The following ERBIN variants were observed in gnomAD, a reference collection of about 807,000 sequenced individuals.
The protein encoded by ERBIN is erbb2 interacting protein, also known as densin-180-like protein.
In ERBIN, 60 loss-of-function variants were observed where a neutral mutation model predicts 158.4. The observed-to-expected ratio is 0.38, with a 90% CI of 0.31 to 0.47. The LOEUF (loss-of-function observed/expected upper bound fraction) is 0.47, where lower values mean the gene tolerates loss of function less well. Ranked by LOEUF, ERBIN falls within the 20% of genes least tolerant of loss-of-function variation. The pLI is 0.99. For synonymous variants in ERBIN, 594 were observed against 557.2 expected, an observed-to-expected ratio of 1.07 and a Z score of -0.93; for missense variants, 1,610 against 1,648.0, an observed-to-expected ratio of 0.98 and a Z score of 0.40.
chr5:65,976,940 TC>T (rs1749953829), intron 1 of ERBIN, among the ~76,000 whole-genome samples: 1 of 152,050 alleles, frequency 6.6e-6, no homozygotes, highest in African/African-American at 2.4e-5. Context: ...ACGGCAGCCA[TC>T]CGATTTCTCA....
At chr5:66,044,387 T>C in intron 17 of ERBIN, 77 bp downstream of exon 17, 1 of 1,314,016 alleles carries the variant, frequency 7.6e-7, no homozygotes, top group Non-Finnish European at 1.0e-6. Flanking sequence ...TAGTGCCCCT[T>C]TTCATGTACT....
chr5:65,939,565 C>T (rs1332213384), intron 1 of ERBIN, among the ~76,000 whole-genome samples: 1 of 152,096 alleles, frequency 6.6e-6, no homozygotes, highest in African/African-American at 2.4e-5. Flanking sequence ...TCTCCCTCTC[C>T]CTCTCTTTCC....
At chr5:65,996,223 C>G (rs1292266947) in intron 4 of ERBIN, among the ~76,000 whole-genome samples, 2 of 122,344 alleles carry the variant, frequency 1.6e-5, no homozygotes, top group African/African-American at 5.7e-5. Flanking sequence ...GAGCTTTTCT[C>G]CTATTTTTTT....
chr5:65,961,115 A>G (rs1490372405), intron 1 of ERBIN: 2 of 152,134 alleles, frequency 1.3e-5, no homozygotes, highest in African/African-American at 2.4e-5. Flanking sequence ...TAGGTCCACA[A>G]TTCCTTCTGT....
At chr5:66,074,932 CT>C in intron 22 of ERBIN, 91 bp from the exon 23 acceptor site, 1 of 1,112,586 alleles carries the variant, frequency 9.0e-7, no homozygotes. Context: ...TGTGAAAACT[CT>C]AGTGCTTTTG....
At chr5:65,970,007 G>A (rs142806821) in intron 1 of ERBIN, among the ~76,000 whole-genome samples, 2,097 of 152,130 alleles carry the variant, frequency 0.014, 26 homozygotes, top group Non-Finnish European at 0.021. Context: ...CCTGGTTTTC[G>A]TATATTGAGT....
chr5:65,940,727 G>A (rs1409100618), intron 1 of ERBIN, among the ~76,000 whole-genome samples: 1 of 147,252 alleles, frequency 6.8e-6, no homozygotes, highest in Non-Finnish European at 1.5e-5. Flanking sequence ...CAGCCGCCCC[G>A]TCCGGGAGGT....
rs760310073 is a variant in ERBIN, at chr5:66,038,467, C to G, written c.1291C>G (p.Pro431Ala). 6.2e-7 allele frequency: 1 copy of G among 1,607,202 alleles called. No individual in the cohort carries two copies. Among genetic ancestry groups the G allele is most frequent in the Admixed American group, 1.7e-5 (1 of 59,452 alleles). Residue 431 changes from proline (P) to alanine (A), a missense_variant, in exon 15 of 26, where the codon CCA becomes GCA. Around this residue, in one of 2 missense-constraint regions of ERBIN, gnomAD observed 596 missense variants for 711.9 expected, o/e 0.84. Transcript: ENST00000284037. Reference sequence around the variant, plus strand: ...TACCAACTACATGTTCCCTCAACAGCCAAGGACTGAGGATGGTAGGAATTT... The same window carrying G: ...TACCAACTACATGTTCCCTCAACAGGCAAGGACTGAGGATGGTAGGAATTT... ...VLTNYMFPQQ[P>A]RTEDVMFISD...
intron 21 of ERBIN, among the ~76,000 whole-genome samples, chr5:66,056,343 T>C (rs1301141111): frequency 2.0e-5 from 3 of 152,188 alleles, no homozygotes; most frequent in Non-Finnish European, 4.4e-5. Context: ...AATAACTGGT[T>C]GTTGGGAATG....
chr5:66,031,194 A>G (rs1756833671), intron 14 of ERBIN, among the ~76,000 whole-genome samples: 1 of 152,224 alleles, frequency 6.6e-6, no homozygotes, highest in Non-Finnish European at 1.5e-5. Context: ...TATAAAAGTA[A>G]ATTGTTCTAC....
chr5:65,962,483 T>C (rs1033801870), intron 1 of ERBIN, among the ~76,000 whole-genome samples: 5 of 152,216 alleles, frequency 3.3e-5, no homozygotes, highest in African/African-American at 1.2e-4. Context: ...ATTTGTATAC[T>C]ATGGTTCTGC....
At chr5:66,034,496 A>G (rs568259238) in intron 14 of ERBIN, among the ~76,000 whole-genome samples, 1 of 152,080 alleles carries the variant, frequency 6.6e-6, no homozygotes, top group South Asian at 2.1e-4. Context: ...CATGTTGGCC[A>G]GGCTGTTATT....
intron 1 of ERBIN, among the ~76,000 whole-genome samples, chr5:65,927,440 T>G (rs915726332): frequency 6.6e-6 from 1 of 152,212 alleles, no homozygotes; most frequent in African/African-American, 2.4e-5. Flanking sequence ...TTTAGCGCCG[T>G]ATAACTTGTT....
intron 7 of ERBIN, among the ~76,000 whole-genome samples, chr5:66,017,182 T>C (rs1754843735): frequency 6.6e-6 from 1 of 152,168 alleles, no homozygotes; most frequent in Admixed American, 6.6e-5. Context: ...TTCAGTGTAC[T>C]GATTTCCTTT....
At chr5:65,987,405 AAAAC>A (rs1277426274) in intron 1 of ERBIN, among the ~76,000 whole-genome samples, 5 of 35,444 alleles carry the variant, frequency 1.4e-4, no homozygotes, top group Non-Finnish European at 3.0e-4. Flanking sequence ...CGAAAAAAGA[AAAAC>A]AGGTTAGCTG....
At chr5:66,025,673 A>T in intron 11 of ERBIN, 121 bp downstream of exon 11, 1 of 908,676 alleles carries the variant, frequency 1.1e-6, no homozygotes, top group Non-Finnish European at 1.7e-6. Flanking sequence ...AGTAATTAGT[A>T]TACAGGTTGA....
intron 1 of ERBIN, among the ~76,000 whole-genome samples, chr5:65,987,947 C>T (rs763094205): frequency 1.1e-4 from 17 of 151,996 alleles, no homozygotes; most frequent in East Asian, 3.9e-4. Context: ...ATTGGCCATT[C>T]GAGTTTATTT....
chr5:66,078,523 C>T lies in ERBIN; in HGVS notation c.4232C>T (p.Ser1411Phe), dbSNP rs1762218235. The change falls in exon 26 of 26, where the codon TCC (serine) becomes TTC (phenylalanine). Residue 1411 changes from serine to phenylalanine, a missense_variant. By Grantham distance (155) the Ser-to-Phe change is radical. Transcript: ENST00000284037. ...GAACTCATCATTGTACGAGAAGTTT[C>T]CTCATAAGCACTGTGGACAAAAAAA... Reference protein sequence around the residue: ...TVELIIVREVSS With the variant: ...TVELIIVREVFS 6.2e-7 allele frequency: 1 copy of T among 1,604,220 alleles called. No homozygotes were observed. The highest frequency in any genetic ancestry group is 8.5e-7 in the Non-Finnish European group (1 of 1,173,568).
Position 66,026,282 on chromosome 5 carries a change from A to G in ERBIN, c.1021-20A>G, listed in dbSNP as rs770345572. The G allele has an allele frequency of 6.6e-7, 1 of 1,512,434 alleles. No homozygotes were observed. 93.7% of individuals were successfully genotyped at this position (1,512,434 alleles called of 1,614,324 possible). A position where few individuals can be genotyped will look rare whatever the true frequency, so the allele number is the denominator to read the frequency against. On this transcript the variant is annotated intron_variant, in intron 12 of 25. Transcript: ENST00000284037. The stretch of plus-strand genomic sequence containing the variant: ...CTGTAGGCCAAATTTTTTGATACTC[A>G]GTTTATATTTCTCTTTCAGATTGGA...
Sources: allele counts gnomAD v4.1 joint callset (sites outside exome capture counted in the v4.1 genomes callset), GRCh38; gene constraint gnomAD v4.1.1; regional missense constraint gnomAD v4.1.1; transcripts MANE v1.5; gene names NCBI Gene and HGNC (gene_info 2026-07-23, HGNC 2026-07-21).